Variants in SNRK observed in about 807,000 individuals in gnomAD.
The protein encoded by SNRK is SNF related kinase.
SNRK carries 3 observed loss-of-function variants against 48.2 expected under a neutral mutation model. The ratio of observed to expected loss-of-function variants is 0.06; its 90% CI spans 0.03 to 0.16. The LOEUF (loss-of-function observed/expected upper bound fraction) is 0.16. Ranked by LOEUF, SNRK falls within the 10% of genes least tolerant of loss-of-function variation. SNRK has a pLI of 1.00. For missense variants in SNRK, 627 were observed against 976.0 expected, an observed-to-expected ratio of 0.64 and a Z score of 4.76; for synonymous variants, 376 against 366.1, an observed-to-expected ratio of 1.03 and a Z score of -0.31.
chr3:43,338,132 C>G (rs1186932946), intron 4 of SNRK, among the ~76,000 whole-genome samples: 4 of 152,180 alleles, frequency 2.6e-5, no homozygotes, highest in Admixed American at 6.5e-5. Flanking sequence ...TCAAATGCCA[C>G]AAAGTAGATA....
chr3:43,305,297 A>G (rs1283208124), intron 3 of SNRK, among the ~76,000 whole-genome samples: 1 of 152,128 alleles, frequency 6.6e-6, no homozygotes, highest in Non-Finnish European at 1.5e-5. Flanking sequence ...TGCATACAAG[A>G]GATTTTCAAA....
rs573289386 is a variant in SNRK, at chr3:43,318,047, C to T, written c.590-14122C>T. ...GATGCTTTATGTTTCTATGGTGTTG[C>T]TGCTGTGGTCCCAGAGGGACACTTA... On this transcript the variant is annotated intron_variant, in intron 3 of 6. Transcript: ENST00000296088. Among the ~76,000 whole-genome samples the T allele has an allele frequency of 3.9e-5, 6 of 152,318 alleles. No homozygotes were observed. The South Asian group carries it at 1.2e-3, about 32-fold the overall frequency.
chr3:43,346,583 A>C (rs763091167), intron 6 of SNRK, among the ~76,000 whole-genome samples: 3 of 152,222 alleles, frequency 2.0e-5, no homozygotes, highest in Non-Finnish European at 2.9e-5. Context: ...ATTTAAAAAT[A>C]TACTTATTTA....
At chr3:43,345,573 CAGAA>C (rs2091268996) in intron 6 of SNRK, among the ~76,000 whole-genome samples, 1 of 152,086 alleles carries the variant, frequency 6.6e-6, no homozygotes, top group Admixed American at 6.5e-5. Context: ...GTTCGGTAGG[CAGAA>C]AGAAACAGGG....
chr3:43,308,281 A>G lies in SNRK; in HGVS notation c.589+4489A>G, dbSNP rs1258394829. 2.0e-5 allele frequency among the ~76,000 whole-genome samples: 3 copies of G among 152,374 alleles called. No individual in the cohort carries two copies. The South Asian group carries it at 6.2e-4, about 32-fold the overall frequency. Reference sequence around the variant, plus strand: ...AAGTTAGCCAGAAGATCTAGCTAAGATAATTGATGAAGCTGGCTCCACTGA... The same window carrying G: ...AAGTTAGCCAGAAGATCTAGCTAAGGTAATTGATGAAGCTGGCTCCACTGA... On this transcript the variant is annotated intron_variant, in intron 3 of 6. Coordinates refer to ENST00000296088, the MANE Select transcript of SNRK (RefSeq NM_017719.5).
At chr3:43,345,246 C>T (rs1015243940) in intron 6 of SNRK, among the ~76,000 whole-genome samples, 2 of 152,226 alleles carry the variant, frequency 1.3e-5, no homozygotes, top group African/African-American at 4.8e-5. Flanking sequence ...GACTTGCCTT[C>T]TCTTTGTTGT....
rs1490877913 is a variant in SNRK at position 43,347,353 on chromosome 3, C to A, written c.1094C>A (p.Thr365Asn). The A allele has an allele frequency of 6.4e-7, 1 of 1,568,876 alleles. No individual in the cohort carries two copies. The highest frequency in any genetic ancestry group is 8.6e-7 in the Non-Finnish European group (1 of 1,157,900). ...CTGTTACATAGGCAGTCATGGCCAA[C>A]CAAAATTGATGTACCCCAGGACCTT... ...IKAQFRQSWP[T>N]KIDVPQDLED... Residue 365 changes from threonine to asparagine, a missense_variant, in exon 7 of 7, where the codon ACC becomes AAC. By Grantham distance (65) the Thr-to-Asn change is moderately conservative. Transcript: ENST00000296088. The surrounding 1 kb of genome is among the most constrained non-coding windows in gnomAD (Gnocchi z 5.4).
At chr3:43,341,142 G>GT (rs1482246232) in intron 5 of SNRK, among the ~76,000 whole-genome samples, 2 of 151,254 alleles carry the variant, frequency 1.3e-5, no homozygotes, top group Non-Finnish European at 3.0e-5. Context: ...AAAGCCAGTT[G>GT]TTTTTTTGTT....
chr3:43,303,830 C>A lies in SNRK; in HGVS notation c.589+38C>A. 1 of 1,399,132 alleles carries A rather than the reference C, an allele frequency of 7.1e-7. No individual in the cohort carries two copies. The highest frequency in any genetic ancestry group is 1.0e-6 in the Non-Finnish European group (1 of 1,001,866). The allele number at this position is 1,399,132 out of a possible 1,614,324, so 86.7% of individuals were successfully genotyped here. A position where few individuals can be genotyped will look rare whatever the true frequency, so the allele number is the denominator to read the frequency against. On this transcript the variant is annotated intron_variant, in intron 3 of 6. Transcript: ENST00000296088. The surrounding 1 kb of genome is among the most constrained non-coding windows in gnomAD (Gnocchi z 6.2). ...GGTCCAGTATTTGGCCATTTGAATT[C>A]TGCCAGCTAGAGTTGGTCAGATCGG...
chr3:43,332,182 G>A lies in SNRK; in HGVS notation c.603G>A (p.Leu201=). The A allele has an allele frequency of 6.3e-7, 1 of 1,587,478 alleles. No homozygotes were observed. The highest frequency in any genetic ancestry group is 8.6e-7 in the Non-Finnish European group (1 of 1,168,926). ...TTTGATTTATAGATATTTGGAGTCT[G>A]GGAGTGATCCTTTTCATGTTGGTGT... ...YDAPAVDIWS[L]GVILFMLVCG... The change falls in exon 4 of 7, where the codon CTG becomes CTA. Residue 201 remains leucine (L), a synonymous_variant. Coordinates refer to ENST00000296088, the MANE Select transcript of SNRK (RefSeq NM_017719.5).
chr3:43,340,179 C>G, intron 4 of SNRK, 108 bp from the exon 5 acceptor site: 2 of 866,180 alleles, frequency 2.3e-6, no homozygotes, highest in Non-Finnish European at 3.8e-6. Flanking sequence ...CACTAGTGCA[C>G]CTAATTTAAT....
intron 4 of SNRK, among the ~76,000 whole-genome samples, chr3:43,334,558 T>C (rs902652573): frequency 6.6e-6 from 1 of 152,210 alleles, no homozygotes; most frequent in Non-Finnish European, 1.5e-5. Context: ...GTCTGCTTTA[T>C]ATAATTTTTC....
chr3:43,316,224 T>A (rs140548424), intron 3 of SNRK, among the ~76,000 whole-genome samples: 35 of 152,336 alleles, frequency 2.3e-4, no homozygotes, highest in African/African-American at 8.2e-4. Context: ...CACTGTGTTA[T>A]AAGGCTCAGA....
chr3:43,349,916 C>T lies in SNRK; in HGVS notation c.*1359C>T, dbSNP rs2091310072. The stretch of plus-strand genomic sequence containing the variant: ...ATAGCATGTGGCTGGGACCCAGGGC[C>T]CTTCCCCACTCTTCAGCCCCGAGTC... On this transcript the variant is annotated 3_prime_UTR_variant, in exon 7 of 7. Coordinates refer to ENST00000296088, the MANE Select transcript of SNRK (RefSeq NM_017719.5). The T allele has an allele frequency of 6.6e-6, 1 of 152,130 alleles. No homozygotes were observed. Among genetic ancestry groups the T allele is most frequent in the African/African-American group, 2.4e-5 (1 of 41,402 alleles). 9.4% of individuals were successfully genotyped at this position (152,130 alleles called of 1,614,324 possible).
Position 43,348,485 on chromosome 3 carries a change from G to C in SNRK, c.2226G>C (p.Val742=). Residue 742 remains valine, a synonymous_variant, in exon 7 of 7, where the codon GTG becomes GTC. Transcript: ENST00000296088. ...CTCTGTGCGAAAAGACCATCTCTGTGAACATCCAGCGGAACCCTAAGGAGG... is the reference window on the plus strand; with the variant it reads ...CTCTGTGCGAAAAGACCATCTCTGTCAACATCCAGCGGAACCCTAAGGAGG... ...QLPLCEKTIS[V]NIQRNPKEGL... The C allele has an allele frequency of 6.3e-7, 1 of 1,598,234 alleles. No homozygotes were observed. Among genetic ancestry groups the C allele is most frequent in the Non-Finnish European group, 8.5e-7 (1 of 1,173,020 alleles).
chr3:43,343,193 G>C, intron 5 of SNRK, 151 bp from the exon 6 acceptor site: 1 of 943,138 alleles, frequency 1.1e-6, no homozygotes, highest in Non-Finnish European at 1.5e-6. Flanking sequence ...ATAACTACTA[G>C]TTTGGTTTTT....
chr3:43,339,865 A>G lies in SNRK; in HGVS notation c.732-422A>G, dbSNP rs1191788531. ...TATATATATATATATATATATATAT[A>G]TATATATATGTTACATGGTATTTTA... On this transcript the variant is annotated intron_variant, in intron 4 of 6. Transcript: ENST00000296088. Among the ~76,000 whole-genome samples, 218 of 94,452 alleles carry G rather than the reference A, an allele frequency of 2.3e-3. 12 individuals carry two copies. Among genetic ancestry groups the G allele is most frequent in the African/African-American group, 6.0e-3 (145 of 24,030 alleles). 62.0% of individuals were successfully genotyped at this position (94,452 alleles called of 152,430 possible).
chr3:43,295,309 G>C (rs1021200743), intron 1 of SNRK, among the ~76,000 whole-genome samples: 1 of 152,182 alleles, frequency 6.6e-6, no homozygotes, highest in South Asian at 2.1e-4. Context: ...AGTACTTCAA[G>C]GATTCTGCAT....
intron 3 of SNRK, among the ~76,000 whole-genome samples, chr3:43,321,431 C>T (rs2091052651): frequency 1.3e-5 from 2 of 152,102 alleles, no homozygotes; most frequent in Non-Finnish European, 1.5e-5. Context: ...CCCAGGAGAG[C>T]ACCAGGAGGC....
Sources: allele counts gnomAD v4.1 joint callset (sites outside exome capture counted in the v4.1 genomes callset), GRCh38; gene constraint gnomAD v4.1.1; non-coding constraint Gnocchi (gnomAD v3.1); transcripts MANE v1.5; gene names NCBI Gene and HGNC (gene_info 2026-07-23, HGNC 2026-07-21).